TMEM132D: variants seen among roughly 807,000 people sequenced by gnomAD.
TMEM132D encodes the protein transmembrane protein 132D, also known as mature OL transmembrane protein.
A neutral mutation model predicts 62.3 loss-of-function variants in TMEM132D; 21 were observed. That is an observed-to-expected ratio of 0.34 (90% confidence interval 0.24 to 0.49). TMEM132D has a LOEUF of 0.49. Ranked by LOEUF, TMEM132D falls within the 20% of genes least tolerant of loss-of-function variation. The probability of loss-of-function intolerance (pLI) is 0.99; values close to 1 mark genes in which losing one functional copy is unlikely to be tolerated. For synonymous variants in TMEM132D, 621 were observed against 575.6 expected, an observed-to-expected ratio of 1.08 and a Z score of -1.13; for missense variants, 1,346 against 1,402.8, an observed-to-expected ratio of 0.96 and a Z score of 0.65.
intron 5 of TMEM132D, among the ~76,000 whole-genome samples, chr12:129,093,778 C>CA (rs1299717852): frequency 2.6e-5 from 4 of 152,164 alleles, no homozygotes; most frequent in Non-Finnish European, 4.4e-5. Context: ...TACCTGACTT[C>CA]AAACTATACT....
chr12:129,382,294 C>T (rs1235593260), intron 3 of TMEM132D, among the ~76,000 whole-genome samples: 1 of 152,150 alleles, frequency 6.6e-6, no homozygotes, highest in African/African-American at 2.4e-5. Flanking sequence ...TTTTTTAGCA[C>T]TTAAATTCCT....
At chr12:129,222,322 T>C (rs1385950004) in intron 4 of TMEM132D, among the ~76,000 whole-genome samples, 2 of 152,182 alleles carry the variant, frequency 1.3e-5, no homozygotes, top group African/African-American at 4.8e-5. Context: ...CCAAGCTCAT[T>C]GTTAAAATGT....
chr12:129,473,214 C>G (rs998693826), intron 3 of TMEM132D, among the ~76,000 whole-genome samples: 10 of 152,056 alleles, frequency 6.6e-5, no homozygotes, highest in African/African-American at 2.4e-4. Context: ...TACCACCACC[C>G]GGATCAGTCA....
rs550164970 is a variant in TMEM132D, at chr12:129,081,646, C to T, written c.1923+113G>A. The T allele has an allele frequency of 8.3e-5, 119 of 1,430,790 alleles. No individual in the cohort carries two copies. The African/African-American group carries it at 1.5e-3, about 18-fold the overall frequency. 88.6% of individuals were successfully genotyped at this position (1,430,790 alleles called of 1,614,324 possible). A position where few individuals can be genotyped will look rare whatever the true frequency, so the allele number is the denominator to read the frequency against. On this transcript the variant is annotated intron_variant, in intron 7 of 8. Coordinates refer to ENST00000422113, the MANE Select transcript of TMEM132D (RefSeq NM_133448.3). ...CACAATTTCTTTGAATTTACCCATCCTAAAAATAGATACCATTCCCAGCAA... is the reference window on the plus strand; with the variant it reads ...CACAATTTCTTTGAATTTACCCATCTTAAAAATAGATACCATTCCCAGCAA...
In TMEM132D at chr12:129,525,226, G is replaced by GGTTT. The variant is rs1336461549; in HGVS notation, c.1115+5832_1115+5833insAAAC. Among the ~76,000 whole-genome samples, 54 of 67,394 alleles carry GGTTT rather than the reference G, an allele frequency of 8.0e-4. 8 individuals are homozygous for GGTTT. The highest frequency in any genetic ancestry group is 2.9e-3 in the East Asian group (5 of 1,710). 44.2% of individuals were successfully genotyped at this position (67,394 alleles called of 152,430 possible). A position where few individuals can be genotyped will look rare whatever the true frequency, so the allele number is the denominator to read the frequency against. On this transcript the variant is annotated intron_variant, in intron 3 of 8. Transcript: ENST00000422113. ...GGGTATGAGCCACGGTGCCCAGCCG[G>GGTTT]TTTTTTTTTTTTTTTTTTTTTTTTT...
chr12:129,343,752 CAAAAAAAACAA>C (rs1869589784), intron 3 of TMEM132D, among the ~76,000 whole-genome samples: 1 of 89,944 alleles, frequency 1.1e-5, no homozygotes, highest in African/African-American at 4.3e-5. Context: ...TCTCTTAAAA[CAAAAAAAACAA>C]AAAAAAACAA....
At chr12:129,438,098 A>C (rs554042962) in intron 3 of TMEM132D, among the ~76,000 whole-genome samples, 1 of 152,304 alleles carries the variant, frequency 6.6e-6, no homozygotes, top group Non-Finnish European at 1.5e-5. Context: ...ATAGTATTCC[A>C]TGGTGAATAT....
chr12:129,477,377 A>G (rs1368596649), intron 3 of TMEM132D, among the ~76,000 whole-genome samples: 2 of 152,200 alleles, frequency 1.3e-5, no homozygotes, highest in Admixed American at 1.3e-4. Flanking sequence ...CTCTAGACCC[A>G]AAGGGAGAGG....
intron 4 of TMEM132D, among the ~76,000 whole-genome samples, chr12:129,227,112 T>C (rs1879499804): frequency 1.3e-5 from 2 of 151,952 alleles, no homozygotes; most frequent in East Asian, 1.9e-4. Context: ...ACCTAGGCCA[T>C]GTTACTGCCT....
At chr12:129,322,467 G>A (rs1868752447) in intron 4 of TMEM132D, among the ~76,000 whole-genome samples, 1 of 152,008 alleles carries the variant, frequency 6.6e-6, no homozygotes, top group Non-Finnish European at 1.5e-5. Context: ...GAACCAGGTA[G>A]CAACATGCAA....
intron 5 of TMEM132D, among the ~76,000 whole-genome samples, chr12:129,182,881 G>A (rs1244380163): frequency 1.3e-5 from 2 of 152,228 alleles, no homozygotes; most frequent in Admixed American, 6.5e-5. Context: ...GATCACGTGA[G>A]TTGACTGAGG....
intron 1 of TMEM132D, among the ~76,000 whole-genome samples, chr12:129,794,739 C>T (rs975866490): frequency 1.3e-5 from 2 of 152,086 alleles, no homozygotes; most frequent in African/African-American, 2.4e-5. Flanking sequence ...TGAGTGCGAT[C>T]TTTTTTCCAC....
chr12:129,851,290 T>G (rs192597384), intron 1 of TMEM132D, among the ~76,000 whole-genome samples: 2 of 152,338 alleles, frequency 1.3e-5, no homozygotes, highest in Non-Finnish European at 2.9e-5. Flanking sequence ...TTAGTTGACT[T>G]GCTTTTCACA....
chr12:129,154,242 G>A (rs1489876500), intron 5 of TMEM132D, among the ~76,000 whole-genome samples: 2 of 152,164 alleles, frequency 1.3e-5, no homozygotes, highest in Non-Finnish European at 2.9e-5. Flanking sequence ...GGTGAGGAGA[G>A]AGCATCAGGA....
At chr12:129,139,541 A>G (rs891684587) in intron 5 of TMEM132D, among the ~76,000 whole-genome samples, 2 of 152,198 alleles carry the variant, frequency 1.3e-5, no homozygotes, top group Non-Finnish European at 2.9e-5. Flanking sequence ...TCCACTGGCC[A>G]CTAATAGAAA....
At chr12:129,558,253 G>A (rs890137568) in intron 2 of TMEM132D, among the ~76,000 whole-genome samples, 5 of 152,122 alleles carry the variant, frequency 3.3e-5, no homozygotes, top group African/African-American at 1.2e-4. Context: ...ATCACATTCT[G>A]GCTCAGAAAT....
intron 4 of TMEM132D, among the ~76,000 whole-genome samples, chr12:129,217,268 G>A (rs768335083): frequency 1.3e-5 from 2 of 152,136 alleles, no homozygotes; most frequent in Non-Finnish European, 2.9e-5. Context: ...GGTTGGAGCT[G>A]GAGGTCATTA....
At chr12:129,797,258 A>C (rs1871591890) in intron 1 of TMEM132D, among the ~76,000 whole-genome samples, 2 of 152,108 alleles carry the variant, frequency 1.3e-5, no homozygotes, top group African/African-American at 4.8e-5. Flanking sequence ...AGGGCTACCC[A>C]CAGCTGAATG....
intron 3 of TMEM132D, among the ~76,000 whole-genome samples, chr12:129,476,000 G>A (rs750604479): frequency 3.3e-5 from 5 of 152,156 alleles, no homozygotes; most frequent in Admixed American, 6.5e-5. Context: ...ATTTGTAAGC[G>A]GGTGTTCCCT....
Sources: gnomAD v4.1 joint callset for allele counts (sites outside exome capture counted in the v4.1 genomes callset) on GRCh38, gnomAD v4.1.1 for gene constraint, MANE v1.5 for transcripts, NCBI Gene and HGNC (gene_info 2026-07-23, HGNC 2026-07-21) for gene names.